Variants in ZFHX2 observed in about 807,000 individuals in gnomAD.
The protein encoded by ZFHX2 is zinc finger homeobox 2, also known as zinc finger homeobox protein 2.
In ZFHX2, 75 loss-of-function variants were observed where a neutral mutation model predicts 164.8. The observed-to-expected ratio is 0.46, with a 90% CI of 0.38 to 0.55. The LOEUF is 0.55. Ranked by LOEUF, ZFHX2 falls within the 20% of genes least tolerant of loss-of-function variation. The pLI, the probability that ZFHX2 is intolerant of heterozygous loss-of-function variation, is 0.00. For missense variants in ZFHX2, 2,933 were observed against 3,308.0 expected (o/e 0.89, Z 2.78); for synonymous variants, 1,217 against 1,351.4 (o/e 0.90, Z 2.18).
intron 1 of ZFHX2, among the ~76,000 whole-genome samples, chr14:23,548,626 A>G (rs1489531758): frequency 6.6e-6 from 1 of 151,922 alleles, no homozygotes; most frequent in African/African-American, 2.4e-5. Flanking sequence ...CTACTTTTTC[A>G]TCTCTTTGCT....
At chr14:23,539,141 G>C (rs573913473) in intron 1 of ZFHX2, among the ~76,000 whole-genome samples, 1 of 152,144 alleles carries the variant, frequency 6.6e-6, no homozygotes, top group Admixed American at 6.5e-5. Flanking sequence ...GCACTGTTTC[G>C]TCACAAGGCT....
At position 23,522,285 on chromosome 14, in the gene ZFHX2, C is replaced by G; in HGVS notation, c.7396G>C (p.Ala2466Pro). The G allele has an allele frequency of 6.7e-7, 1 of 1,502,492 alleles. No homozygotes were observed. The highest frequency in any genetic ancestry group is 8.9e-7 in the Non-Finnish European group (1 of 1,127,566). 93.1% of individuals were successfully genotyped at this position (1,502,492 alleles called of 1,614,324 possible). A position where few individuals can be genotyped will look rare whatever the true frequency, so the allele number is the denominator to read the frequency against. Residue 2466 changes from alanine to proline, a missense_variant, in exon 10 of 10, where the codon GCT (alanine) becomes CCT (proline). Physicochemically the swap from Ala to Pro is conservative, Grantham distance 27. Transcript: ENST00000419474. Reference sequence around the variant, plus strand: ...CAGAAGGATCTCTGGTGGGCAGTAGCCGGGGCCTCCCCGTCAAATGCCATC... The same window carrying G: ...CAGAAGGATCTCTGGTGGGCAGTAGGCGGGGCCTCCCCGTCAAATGCCATC... Reference protein sequence around the residue: ...CKMAFDGEAPATAHQRSFCFF... With the variant: ...CKMAFDGEAPPTAHQRSFCFF...
chr14:23,522,298 G>A lies in ZFHX2; in HGVS notation c.7383C>T (p.Asp2461=), dbSNP rs560552587. 48 of 1,511,202 alleles carry A rather than the reference G, an allele frequency of 3.2e-5. No homozygotes were observed. Among genetic ancestry groups the A allele is most frequent in the African/African-American group, 1.2e-4 (9 of 72,712 alleles). 93.6% of individuals were successfully genotyped at this position (1,511,202 alleles called of 1,614,324 possible). The change falls in exon 10 of 10, where the codon GAC becomes GAT. Residue 2461 remains aspartate, a synonymous_variant. Transcript: ENST00000419474. ...YLCRQCKMAF[D]GEAPATAHQR... ...GGTGGGCAGTAGCCGGGGCCTCCCC[G>A]TCAAATGCCATCTTGCACTGGCGGC... is the stretch of plus-strand genomic sequence containing the variant.
chr14:23,547,758 C>G (rs1423911088), intron 1 of ZFHX2, among the ~76,000 whole-genome samples: 1 of 152,184 alleles, frequency 6.6e-6, no homozygotes, highest in African/African-American at 2.4e-5. Flanking sequence ...GTGGGCAACT[C>G]TTTCCCCCAG....
chr14:23,524,748 C>CA lies in ZFHX2; in HGVS notation c.5193dup (p.Glu1732Ter). 1 of 1,536,446 alleles carries CA rather than the reference C, an allele frequency of 6.5e-7. No homozygotes were observed. Among genetic ancestry groups the CA allele is most frequent in the Non-Finnish European group, 8.7e-7 (1 of 1,146,960 alleles). ...TCTGGAGGCTCTGGTAATGGGCCCT[C>CA]AGGCCCTGCTGGAGGTTCAAGGCCC... On this transcript the variant is annotated frameshift_variant, in exon 9 of 10. Coordinates refer to ENST00000419474, the MANE Select transcript of ZFHX2 (RefSeq NM_033400.3). LOFTEE classifies it high-confidence loss of function. The surrounding 1 kb of genome is among the most constrained non-coding windows in gnomAD (Gnocchi z 5.6).
upstream of ZFHX2, among the ~76,000 whole-genome samples, chr14:23,552,064 G>T (rs2138953900): frequency 6.6e-6 from 1 of 152,156 alleles, no homozygotes; most frequent in East Asian, 1.9e-4. Flanking sequence ...GCCCTGAGCC[G>T]CCCAAGGCCT....
Position 23,530,186 on chromosome 14 carries a change from G to T in ZFHX2, c.2809C>A (p.Pro937Thr). The T allele has an allele frequency of 6.5e-7, 1 of 1,535,352 alleles. No homozygotes were observed. The highest frequency in any genetic ancestry group is 8.7e-7 in the Non-Finnish European group (1 of 1,146,228). The change falls in exon 5 of 10, where the codon CCT (proline) becomes ACT (threonine). Residue 937 changes from proline to threonine, a missense_variant. Physicochemically the swap from Pro to Thr is conservative, Grantham distance 38. Transcript: ENST00000419474. ...HGQLRTPGKA[P>T]VTPLAEPPTP... ...GGTGGCTCAGCTAAGGGGGTGACAG[G>T]AGCCTTCCCTGTGTAGGATGGGGGG...
At position 23,535,240 on chromosome 14, in the gene ZFHX2, G is replaced by A; in HGVS notation, c.86C>T (p.Ser29Phe). The change falls in exon 2 of 10, where the codon TCC (serine) becomes TTC (phenylalanine). Residue 29 changes from serine to phenylalanine, a missense_variant. Physicochemically the swap from Ser to Phe is radical, Grantham distance 155. Transcript: ENST00000419474. This position sits in a 1 kb window ranked among gnomAD's most constrained non-coding sequence, Gnocchi z 4.5. The stretch of plus-strand genomic sequence containing the variant: ...GACAGGATCAGAGGGGGTGCTGGAG[G>A]AGAAGGTGTCCGAAGGCAGGGACGG... ...NAPSLPSDTF[S>F]SSTPSDPVTK... 1.3e-6 allele frequency: 2 copies of A among 1,519,166 alleles called. No individual in the cohort carries two copies. The highest frequency in any genetic ancestry group is 1.8e-6 in the Non-Finnish European group (2 of 1,134,132). 94.1% of individuals were successfully genotyped at this position (1,519,166 alleles called of 1,614,324 possible). A position where few individuals can be genotyped will look rare whatever the true frequency, so the allele number is the denominator to read the frequency against.
intron 1 of ZFHX2, among the ~76,000 whole-genome samples, chr14:23,549,033 T>G (rs1484794738): frequency 6.6e-6 from 1 of 152,148 alleles, no homozygotes; most frequent in Non-Finnish European, 1.5e-5. Flanking sequence ...CATACTCTCT[T>G]CCCATCTCAT....
At position 23,523,465 on chromosome 14, in the gene ZFHX2, G is replaced by A; in HGVS notation, c.6477C>T (p.Val2159=). 6.5e-7 allele frequency: 1 copy of A among 1,536,160 alleles called. No homozygotes were observed. The highest frequency in any genetic ancestry group is 8.7e-7 in the Non-Finnish European group (1 of 1,146,870). Residue 2159 remains valine (V), a synonymous_variant, in exon 9 of 10, where the codon GTC becomes GTT. Coordinates refer to ENST00000419474, the MANE Select transcript of ZFHX2 (RefSeq NM_033400.3). The surrounding 1 kb of genome is among the most constrained non-coding windows in gnomAD (Gnocchi z 4.1). ...GGGAAAAGAGATGGCCTCGGCAGGA[G>A]ACATAGAAATCATACTTGACATCAC... ...PYCDVKYDFY[V]SCRGHLFSRQ...
chr14:23,524,527 T>C lies in ZFHX2; in HGVS notation c.5415A>G (p.Leu1805=). Residue 1805 remains leucine (L), a synonymous_variant, in exon 9 of 10, where the codon CTA becomes CTG. Transcript: ENST00000419474. The surrounding 1 kb of genome is among the most constrained non-coding windows in gnomAD (Gnocchi z 5.6). ...CCCCAAACACCAGCAAGGGCAGATCTAGGAGTTGGGGGGGAGCACTGGGCT... is the reference window on the plus strand; with the variant it reads ...CCCCAAACACCAGCAAGGGCAGATCCAGGAGTTGGGGGGGAGCACTGGGCT... ...SLQPSAPPQL[L]DLPLLVFGER... is the part of the protein sequence containing the mutation. 1 of 1,526,762 alleles carries C rather than the reference T, an allele frequency of 6.5e-7. No individual in the cohort carries two copies. Among genetic ancestry groups the C allele is most frequent in the Non-Finnish European group, 8.8e-7 (1 of 1,141,772 alleles). 94.6% of individuals were successfully genotyped at this position (1,526,762 alleles called of 1,614,324 possible). A position where few individuals can be genotyped will look rare whatever the true frequency, so the allele number is the denominator to read the frequency against.
chr14:23,534,228 T>C lies in ZFHX2; in HGVS notation c.1098A>G (p.Ala366=). The part of the protein sequence containing the change: ...SPTQAKESPV[A]AGEAGPDWFP... ...ACCAATCTGGCCCTGCCTCGCCTGCTGCTACTGGCGATTCTTTGGCTTGGG... is the reference window on the plus strand; with the variant it reads ...ACCAATCTGGCCCTGCCTCGCCTGCCGCTACTGGCGATTCTTTGGCTTGGG... The change falls in exon 2 of 10, where the codon GCA becomes GCG. Residue 366 remains alanine, a synonymous_variant. Coordinates refer to ENST00000419474, the MANE Select transcript of ZFHX2 (RefSeq NM_033400.3). This position sits in a 1 kb window ranked among gnomAD's most constrained non-coding sequence, Gnocchi z 4.5. The C allele has an allele frequency of 1.3e-6, 2 of 1,515,522 alleles. No individual in the cohort carries two copies. The highest frequency in any genetic ancestry group is 1.8e-6 in the Non-Finnish European group (2 of 1,135,532). 93.9% of individuals were successfully genotyped at this position (1,515,522 alleles called of 1,614,324 possible).
At chr14:23,548,990 CCTT>C (rs916770530) in intron 1 of ZFHX2, among the ~76,000 whole-genome samples, 14 of 152,156 alleles carry the variant, frequency 9.2e-5, no homozygotes, top group Admixed American at 2.6e-4. Context: ...CCTCAGCACT[CCTT>C]CGTTTGCCAT....
chr14:23,531,886 C>CAT (rs1458141652), intron 3 of ZFHX2, 165 bp from the exon 4 acceptor site: 5 of 932,922 alleles, frequency 5.4e-6, no homozygotes, highest in Non-Finnish European at 7.0e-6. Context: ...CAGTGATTCT[C>CAT]ATGCCTCAGC....
chr14:23,526,525 G>A lies in ZFHX2; in HGVS notation c.3417C>T (p.Asp1139=), dbSNP rs540834344. The A allele has an allele frequency of 1.0e-5, 16 of 1,535,794 alleles. No individual in the cohort carries two copies. Among genetic ancestry groups the A allele is most frequent in the South Asian group, 4.8e-5 (4 of 84,048 alleles). Residue 1139 remains aspartate, a synonymous_variant, in exon 9 of 10, where the codon GAC becomes GAT. Transcript: ENST00000419474. ...PVPEPDAQAE[D]VAPPPTMAEE... ...CAGCCATGGTGGGCGGAGGAGCTAC[G>A]TCTTCAGCTTGGGCATCAGGTTCAG... is the stretch of plus-strand genomic sequence containing the variant.
At position 23,523,406 on chromosome 14, in the gene ZFHX2, C is replaced by T. The variant is rs267603956; in HGVS notation, c.6536G>A (p.Arg2179Gln). 1.3e-5 allele frequency: 20 copies of T among 1,522,672 alleles called. No individual in the cohort carries two copies. The highest frequency in any genetic ancestry group is 9.8e-5 in the South Asian group (8 of 81,340). The allele number at this position is 1,522,672 out of a possible 1,614,324, so 94.3% of individuals were successfully genotyped here. A position where few individuals can be genotyped will look rare whatever the true frequency, so the allele number is the denominator to read the frequency against. The stretch of plus-strand genomic sequence containing the variant: ...CTTGCTTTCACTCTTCAGCTGGGCT[C>T]GAACCGCCTCCTTGAGCTTGGCCAG... ...QHLAKLKEAV[R>Q]AQLKSESKCY... is the part of the protein sequence containing the mutation. The change falls in exon 9 of 10, where the codon CGA becomes CAA. Residue 2179 changes from arginine to glutamine, a missense_variant. Arg to Gln is a conservative substitution (Grantham distance 43). Coordinates refer to ENST00000419474, the MANE Select transcript of ZFHX2 (RefSeq NM_033400.3). The surrounding 1 kb of genome is among the most constrained non-coding windows in gnomAD (Gnocchi z 4.1).
At position 23,523,375 on chromosome 14, in the gene ZFHX2, G is replaced by A. The variant is rs1237870880; in HGVS notation, c.6567C>T (p.Tyr2189=). ...GAGCCTCAGGTGCTGGGGCCAAGTCGTAGCACTTGCTTTCACTCTTCAGCT... is the reference window on the plus strand; with the variant it reads ...GAGCCTCAGGTGCTGGGGCCAAGTCATAGCACTTGCTTTCACTCTTCAGCT... ...RAQLKSESKC[Y]DLAPAPEAPP... Residue 2189 remains tyrosine, a synonymous_variant, in exon 9 of 10, where the codon TAC becomes TAT. Coordinates refer to ENST00000419474, the MANE Select transcript of ZFHX2 (RefSeq NM_033400.3). The surrounding 1 kb of genome is among the most constrained non-coding windows in gnomAD (Gnocchi z 4.1). 2.3e-5 allele frequency: 35 copies of A among 1,490,168 alleles called. No individual in the cohort carries two copies. The highest frequency in any genetic ancestry group is 5.3e-5 in the South Asian group (4 of 75,400). 92.3% of individuals were successfully genotyped at this position (1,490,168 alleles called of 1,614,324 possible). A position where few individuals can be genotyped will look rare whatever the true frequency, so the allele number is the denominator to read the frequency against.
Position 23,525,206 on chromosome 14 carries a change from T to G in ZFHX2, c.4736A>C (p.Glu1579Ala). 2 of 1,536,126 alleles carry G rather than the reference T, an allele frequency of 1.3e-6. No homozygotes were observed. The highest frequency in any genetic ancestry group is 1.7e-6 in the Non-Finnish European group (2 of 1,146,904). The change falls in exon 9 of 10, where the codon GAG (glutamate) becomes GCG (alanine). Residue 1579 changes from glutamate (E) to alanine (A), a missense_variant. Transcript: ENST00000419474. The surrounding 1 kb of genome is among the most constrained non-coding windows in gnomAD (Gnocchi z 5.9). ...SRAGGHWPIE[E>A]EESSRGNLPP... ...AAGATTCCCTCTGGAGCTTTCTTCC[T>G]CTTCTATGGGCCAGTGTCCCCCTGC...
In ZFHX2 at chr14:23,534,428, G is replaced by A. The variant is rs937019790; in HGVS notation, c.898C>T (p.Pro300Ser). 25 of 1,536,586 alleles carry A rather than the reference G, an allele frequency of 1.6e-5. No homozygotes were observed. Among genetic ancestry groups the A allele is most frequent in the Non-Finnish European group, 2.2e-5 (25 of 1,147,046 alleles). The change falls in exon 2 of 10, where the codon CCC becomes TCC. Residue 300 changes from proline to serine, a missense_variant. Coordinates refer to ENST00000419474, the MANE Select transcript of ZFHX2 (RefSeq NM_033400.3). This position sits in a 1 kb window ranked among gnomAD's most constrained non-coding sequence, Gnocchi z 4.5. ...TTGTCAAGGGGTATGTCAGAAGAGG[G>A]GCGAGCAGGGAGTTTTGGCTCCAGA... ...SFLEPKLPARPSSDIPLDNSS... is the reference protein window; with the variant it reads ...SFLEPKLPARSSSDIPLDNSS...
Sources: gnomAD v4.1 joint callset for allele counts (sites outside exome capture counted in the v4.1 genomes callset) on GRCh38, gnomAD v4.1.1 for gene constraint, Gnocchi (gnomAD v3.1) non-coding constraint, MANE v1.5 for transcripts, NCBI Gene and HGNC (gene_info 2026-07-23, HGNC 2026-07-21) for gene names.